Variants in ADGRG2 observed in about 807,000 individuals in gnomAD.
The protein encoded by ADGRG2 is adhesion G protein-coupled receptor G2, also known as G protein-coupled receptor 64.
In ADGRG2, 26 loss-of-function variants were observed where a neutral mutation model predicts 74.1. That is an observed-to-expected ratio of 0.35 (90% CI 0.26 to 0.49). The LOEUF (loss-of-function observed/expected upper bound fraction) is 0.49. Ranked by LOEUF, ADGRG2 falls within the 20% of genes least tolerant of loss-of-function variation. The pLI is 0.99. For synonymous variants in ADGRG2, 296 were observed against 295.2 expected, an observed-to-expected ratio of 1.00 and a Z score of -0.03; for missense variants, 619 against 763.1, an observed-to-expected ratio of 0.81 and a Z score of 2.22.
chrX:19,106,716 C>T (rs922955398), intron 1 of ADGRG2, among the ~76,000 whole-genome samples: 6 of 110,526 alleles, frequency 5.4e-5, no homozygotes, highest in African/African-American at 2.0e-4. Context: ...GCCAGGAGTT[C>T]GAGACCAGCC....
Position 19,009,546 on chromosome X carries a change from A to G in ADGRG2, c.1422+80T>C, listed in dbSNP as rs1601875461. On this transcript the variant is annotated intron_variant, in intron 18 of 28. Transcript: ENST00000379869. ...ATATCACCCCTGACTATAAGCAGTAATTGCCTCAATCATGAAATACAATGG... is the reference window on the plus strand; with the variant it reads ...ATATCACCCCTGACTATAAGCAGTAGTTGCCTCAATCATGAAATACAATGG... 3.4e-6 allele frequency: 3 copies of G among 886,338 alleles called. No individual in the cohort carries two copies. The East Asian group carries it at 9.3e-5, about 28-fold the overall frequency. 73.0% of individuals were successfully genotyped at this position (886,338 alleles called of 1,213,427 possible).
chrX:19,003,494 T>C (rs2060171544), intron 23 of ADGRG2, among the ~76,000 whole-genome samples: 2 of 111,174 alleles, frequency 1.8e-5, no homozygotes, highest in African/African-American at 6.6e-5. Context: ...GCTCTTTGAG[T>C]TTTAAGCAAT....
chrX:19,108,014 C>A (rs1280834870), intron 1 of ADGRG2, among the ~76,000 whole-genome samples: 1 of 104,911 alleles, frequency 9.5e-6, no homozygotes, highest in Admixed American at 1.1e-4. Flanking sequence ...GTAGGAGAAT[C>A]GCTCCGGGAG....
Position 18,995,013 on chromosome X carries a change from G to T in ADGRG2, c.2752C>A (p.Gln918Lys). ...CTGGACACTCCTTGGTTTACAGTCTGCTTCTTTAAACCATTAGTAGCAGTT... is the reference window on the plus strand; with the variant it reads ...CTGGACACTCCTTGGTTTACAGTCTTCTTCTTTAAACCATTAGTAGCAGTT... ...SKTATNGLKKQTVNQGVSSSS... is the reference protein window; with the variant it reads ...SKTATNGLKKKTVNQGVSSSS... Residue 918 changes from glutamine (Q) to lysine (K), a missense_variant, in exon 28 of 29, where the codon CAG becomes AAG. Around this residue, in one of 3 missense-constraint regions of ADGRG2, gnomAD observed 106 missense variants for 104.5 expected, o/e 1.01. Coordinates refer to ENST00000379869, the MANE Select transcript of ADGRG2 (RefSeq NM_001079858.3). The T allele has an allele frequency of 8.3e-7, 1 of 1,201,846 alleles. No homozygotes were observed. The highest frequency in any genetic ancestry group is 1.1e-6 in the Non-Finnish European group (1 of 887,734).
chrX:19,079,845 C>T lies in ADGRG2; in HGVS notation c.-2+2857G>A, dbSNP rs191638412. ...CGTGCAAGATTAGAACTAAATTGTGCGCTTAATGTAAACATACACTCACCA... is the reference window on the plus strand; with the variant it reads ...CGTGCAAGATTAGAACTAAATTGTGTGCTTAATGTAAACATACACTCACCA... On this transcript the variant is annotated intron_variant, in intron 2 of 28. Coordinates refer to ENST00000379869, the MANE Select transcript of ADGRG2 (RefSeq NM_001079858.3). Among the ~76,000 whole-genome samples, 770 of 110,999 alleles carry T rather than the reference C, an allele frequency of 6.9e-3. 6 individuals carry two copies. Among genetic ancestry groups the T allele is most frequent in the African/African-American group, 0.024 (742 of 30,621 alleles).
At chrX:19,045,368 C>T (rs999034976) in intron 3 of ADGRG2, among the ~76,000 whole-genome samples, 5 of 107,179 alleles carry the variant, frequency 4.7e-5, no homozygotes, top group African/African-American at 1.4e-4. Flanking sequence ...AGTGCAGTGG[C>T]GCAATCTCGG....
chrX:19,007,668 G>A (rs748997212), intron 19 of ADGRG2, among the ~76,000 whole-genome samples: 62 of 111,878 alleles, frequency 5.5e-4, no homozygotes, highest in African/African-American at 1.8e-3. Context: ...GTCTCTCTGC[G>A]CCTCCATGGC....
chrX:19,099,341 C>G (rs1438830512), intron 1 of ADGRG2, among the ~76,000 whole-genome samples: 2 of 112,287 alleles, frequency 1.8e-5, no homozygotes, highest in Non-Finnish European at 3.8e-5. Context: ...TCTGCAACGA[C>G]CCTGGTTAGG....
At chrX:19,037,040 T>TTAAAAATTGATCAAATCATCTG (rs1446508768) in intron 6 of ADGRG2, among the ~76,000 whole-genome samples, 1 of 111,847 alleles carries the variant, frequency 8.9e-6, no homozygotes, top group African/African-American at 3.2e-5. Flanking sequence ...TTCATACTAT[T>TTAAAAATTGATCAAATCATCTG]TAAAAATTGA....
intron 1 of ADGRG2, among the ~76,000 whole-genome samples, chrX:19,106,745 C>T (rs1433195017): frequency 9.1e-6 from 1 of 110,183 alleles, no homozygotes; most frequent in Non-Finnish European, 1.9e-5. Context: ...ATGGTGAAAC[C>T]CCGTCTCTAC....
intron 1 of ADGRG2, among the ~76,000 whole-genome samples, chrX:19,100,595 C>T (rs2062171058): frequency 8.8e-6 from 1 of 113,464 alleles, no homozygotes; most frequent in Non-Finnish European, 1.9e-5. Flanking sequence ...ATCTAACTGA[C>T]CGTGTATTTT....
At chrX:19,012,397 G>T (rs2060374202) in intron 16 of ADGRG2, among the ~76,000 whole-genome samples, 1 of 111,147 alleles carries the variant, frequency 9.0e-6, no homozygotes, top group African/African-American at 3.3e-5. Context: ...TTAGGCCCAG[G>T]CTAATGAACT....
rs1289168497 is a variant in ADGRG2 at position 18,990,853 on chromosome X, GAAGA to G, written c.*7_*10del. ...TGTCAAGCATCATGCTTTGATTTTA[GAAGA>G]AAGGAATCACATTTGCTCAATAAAG... On this transcript the variant is annotated 3_prime_UTR_variant, in exon 29 of 29. Coordinates refer to ENST00000379869, the MANE Select transcript of ADGRG2 (RefSeq NM_001079858.3). The G allele has an allele frequency of 5.2e-6, 6 of 1,155,797 alleles. No homozygotes were observed. In the Admixed American group the frequency reaches 9.5e-5, roughly 18 times the overall value.
intron 1 of ADGRG2, among the ~76,000 whole-genome samples, chrX:19,085,847 T>C (rs1217412300): frequency 9.0e-6 from 1 of 110,784 alleles, no homozygotes; most frequent in Non-Finnish European, 1.9e-5. Context: ...TCAAGCTCAG[T>C]GGGTGGGGAA....
At chrX:19,052,256 T>C (rs2061335862) in intron 3 of ADGRG2, among the ~76,000 whole-genome samples, 2 of 111,987 alleles carry the variant, frequency 1.8e-5, no homozygotes, top group South Asian at 7.4e-4. Flanking sequence ...AGAGGCTGTC[T>C]GTAAGTCTAT....
chrX:19,031,054 A>G lies in ADGRG2; in HGVS notation c.305-17T>C. On this transcript the variant is annotated splice_polypyrimidine_tract_variant and intron_variant, in intron 8 of 28. Coordinates refer to ENST00000379869, the MANE Select transcript of ADGRG2 (RefSeq NM_001079858.3). ...GTTTGACGCCTGCAAAGAAAACACA[A>G]CCCAGCTGGTTAAGCATGTCAATGC... 8.7e-7 allele frequency: 1 copy of G among 1,151,706 alleles called. No individual in the cohort carries two copies. Among genetic ancestry groups the G allele is most frequent in the East Asian group, 3.0e-5 (1 of 33,618 alleles). The allele number at this position is 1,151,706 out of a possible 1,213,427, so 94.9% of individuals were successfully genotyped here. A position where few individuals can be genotyped will look rare whatever the true frequency, so the allele number is the denominator to read the frequency against.
chrX:19,122,856 T>A (rs765673976), upstream of ADGRG2, among the ~76,000 whole-genome samples: 1 of 111,502 alleles, frequency 9.0e-6, no homozygotes, highest in East Asian at 2.9e-4. Context: ...AGCGAGCTCC[T>A]CCTTGGGGAC....
chrX:19,108,104 C>CCA (rs2062345468), intron 1 of ADGRG2, among the ~76,000 whole-genome samples: 1 of 44,972 alleles, frequency 2.2e-5, no homozygotes, highest in African/African-American at 6.8e-5. Flanking sequence ...GACTCCGTCT[C>CCA]AAAAAAAAAA....
chrX:19,075,617 C>CAAAAAAAAAA (rs61690480), intron 2 of ADGRG2, among the ~76,000 whole-genome samples: 1 of 39,474 alleles, frequency 2.5e-5, no homozygotes, highest in African/African-American at 8.5e-5. Context: ...GACTTCGCCT[C>CAAAAAAAAAA]AAAAAAAAAA....
Sources: gnomAD v4.1 joint callset for allele counts (sites outside exome capture counted in the v4.1 genomes callset) on GRCh38, gnomAD v4.1.1 for gene constraint, gnomAD v4.1.1 regional missense constraint, MANE v1.5 for transcripts, NCBI Gene and HGNC (gene_info 2026-07-23, HGNC 2026-07-21) for gene names.